TBRG1: variants seen among roughly 807,000 people sequenced by gnomAD.
TBRG1 encodes transforming growth factor beta regulator 1, also known as nuclear interactor of ARF and MDM2.
A neutral mutation model predicts 44.0 loss-of-function variants in TBRG1; 31 were observed. That is an observed-to-expected ratio of 0.70 (90% CI 0.53 to 0.95). The LOEUF (loss-of-function observed/expected upper bound fraction) is 0.95, where lower values mean the gene tolerates loss of function less well. Among genes scored for constraint, TBRG1 ranks in the 40% least tolerant of loss-of-function variants. The pLI, the probability that TBRG1 is intolerant of heterozygous loss-of-function variation, is 0.00. For missense variants in TBRG1, 487 were observed against 496.1 expected, an observed-to-expected ratio of 0.98 and a Z score of 0.18; for synonymous variants, 171 against 188.1, an observed-to-expected ratio of 0.91 and a Z score of 0.74.
intron 5 of TBRG1, among the ~76,000 whole-genome samples, chr11:124,627,765 C>T (rs1200017347): frequency 6.6e-6 from 1 of 151,892 alleles, no homozygotes; most frequent in Non-Finnish European, 1.5e-5. Flanking sequence ...TAGTTGAGAG[C>T]TTACGTGACC....
intron 2 of TBRG1, 102 bp from the exon 3 acceptor site, chr11:124,625,569 A>G: frequency 9.7e-7 from 1 of 1,026,060 alleles, no homozygotes. Flanking sequence ...TGAGTATAGT[A>G]ATCTTTGTAT....
In TBRG1 at chr11:124,626,627, T is replaced by G. The variant is rs1164585551; in HGVS notation, c.591+18T>G. On this transcript the variant is annotated intron_variant, in intron 4 of 8. Coordinates refer to ENST00000441174, the MANE Select transcript of TBRG1 (RefSeq NM_032811.3). ...TGGGGGAGGTGAGTGAGACCAGCGATATATAGAGAGGAGAATCAGGGAAAT... is the reference window on the plus strand; with the variant it reads ...TGGGGGAGGTGAGTGAGACCAGCGAGATATAGAGAGGAGAATCAGGGAAAT... The G allele has an allele frequency of 6.4e-7, 1 of 1,551,126 alleles. No homozygotes were observed. The highest frequency in any genetic ancestry group is 8.7e-7 in the Non-Finnish European group (1 of 1,146,718).
Position 124,624,995 on chromosome 11 carries a change from A to C in TBRG1, c.215A>C (p.Glu72Ala). ...GAAAAATTTCTTAAAGCAAAAGAAG[A>C]AAGAAGGTGAGCTGGCTTCATTTTG... ...LEEKFLKAKE[E>A]RRYLLKKLLQ... The change falls in exon 2 of 9, where the codon GAA becomes GCA. Residue 72 changes from glutamate to alanine, a missense_variant. Physicochemically the swap from Glu to Ala is moderately radical, Grantham distance 107 (BLOSUM62 -1). Coordinates refer to ENST00000441174, the MANE Select transcript of TBRG1 (RefSeq NM_032811.3). 2 of 1,546,608 alleles carry C rather than the reference A, an allele frequency of 1.3e-6. No individual in the cohort carries two copies. Among genetic ancestry groups the C allele is most frequent in the Non-Finnish European group, 1.7e-6 (2 of 1,143,210 alleles).
At chr11:124,628,112 T>TACAC (rs1942523075) in intron 5 of TBRG1, among the ~76,000 whole-genome samples, 1 of 51,326 alleles carries the variant, frequency 1.9e-5, no homozygotes, top group Admixed American at 1.8e-4. Context: ...TATATATATA[T>TACAC]ATATACACAC....
At chr11:124,630,519 A>G (rs1179948598) in intron 6 of TBRG1, 34 bp downstream of exon 6, 11 of 1,465,878 alleles carry the variant, frequency 7.5e-6, no homozygotes, top group Non-Finnish European at 1.1e-5. Context: ...ACAGGCTAAA[A>G]GATCACTGTT....
intron 6 of TBRG1, 65 bp downstream of exon 6, chr11:124,630,550 C>T: frequency 7.7e-7 from 1 of 1,306,902 alleles, no homozygotes. Flanking sequence ...AACCTTTTCT[C>T]TTGCTTTTAA....
At position 124,632,265 on chromosome 11, in the gene TBRG1, T is replaced by C; in HGVS notation, c.*27T>C. 6.2e-7 allele frequency: 1 copy of C among 1,602,246 alleles called. No homozygotes were observed. Among genetic ancestry groups the C allele is most frequent in the Non-Finnish European group, 8.5e-7 (1 of 1,174,306 alleles). On this transcript the variant is annotated 3_prime_UTR_variant, in exon 9 of 9. Coordinates refer to ENST00000441174, the MANE Select transcript of TBRG1 (RefSeq NM_032811.3). The stretch of plus-strand genomic sequence containing the variant: ...CAAGAAGGGATCAGATGCCACATCG[T>C]TTTTGTCGTGATTAATTTAACTTAA...
rs776305450 is a variant in TBRG1 at position 124,625,877 on chromosome 11, A to T, written c.428A>T (p.Lys143Ile). 1.9e-6 allele frequency: 3 copies of T among 1,578,954 alleles called. No homozygotes were observed. The South Asian group carries it at 3.5e-5, about 19-fold the overall frequency. ...AAAACTAAGAAGGAGAAAAAAGAAA[A>T]AGGCAAAGAGAACAACAAACTGGAA... ...GKKTKKEKKE[K>I]GKENNKLEVL... The change falls in exon 3 of 9, where the codon AAA becomes ATA. Residue 143 changes from lysine to isoleucine, a missense_variant. Transcript: ENST00000441174.
chr11:124,632,178 TACTC>T lies in TBRG1; in HGVS notation c.1179_1182del (p.His394CysfsTer4). On this transcript the variant is annotated frameshift_variant, in exon 9 of 9. Transcript: ENST00000441174. LOFTEE classifies it high-confidence loss of function. The stretch of plus-strand genomic sequence containing the variant: ...ACCTGACACATGAACCCTTGGTAGA[TACTC>T]ACCTGCAGCACTTGAAGTCTCCATC... 1 of 1,613,768 alleles carries T rather than the reference TACTC, an allele frequency of 6.2e-7. No homozygotes were observed. Among genetic ancestry groups the T allele is most frequent in the Non-Finnish European group, 8.5e-7 (1 of 1,179,704 alleles).
intron 8 of TBRG1, 125 bp from the exon 9 acceptor site, chr11:124,631,968 G>T: frequency 1.3e-6 from 1 of 798,706 alleles, no homozygotes; most frequent in Non-Finnish European, 2.1e-6. Flanking sequence ...CTTAACAAAG[G>T]CAAAATTGAG....
In TBRG1 at chr11:124,623,110, C is replaced by T. The variant is rs1281668516; in HGVS notation, c.27C>T (p.Ser9=). 11 of 1,550,848 alleles carry T rather than the reference C, an allele frequency of 7.1e-6. No individual in the cohort carries two copies. Among genetic ancestry groups the T allele is most frequent in the Non-Finnish European group, 8.7e-6 (10 of 1,146,882 alleles). ...TGAGCCTGCTGGACGGCCTCGCTTCCTCGCCGCGGGCTCCGCTGCAGTCCA... is the reference window on the plus strand; with the variant it reads ...TGAGCCTGCTGGACGGCCTCGCTTCTTCGCCGCGGGCTCCGCTGCAGTCCA... MSLLDGLA[S]SPRAPLQSSK... is the part of the protein sequence containing the mutation. The change falls in exon 1 of 9, where the codon TCC becomes TCT. Residue 9 remains serine, a synonymous_variant. Transcript: ENST00000441174.
rs375265828 is a variant in TBRG1, at chr11:124,625,751, G to A, written c.302G>A (p.Ser101Asn). 4.5e-6 allele frequency: 7 copies of A among 1,564,998 alleles called. No individual in the cohort carries two copies. The African/African-American group carries it at 6.8e-5, about 15-fold the overall frequency. ...VQAAAPSHSS[S>N]LPLTYGVASS... ...GCTGCAGCTCCTTCCCACAGTTCCA[G>A]TTTGCCCCTGACTTATGGTGTGGCC... The change falls in exon 3 of 9, where the codon AGT (serine) becomes AAT (asparagine). Residue 101 changes from serine (S) to asparagine (N), a missense_variant. By Grantham distance (46) the Ser-to-Asn change is conservative (BLOSUM62 1). Coordinates refer to ENST00000441174, the MANE Select transcript of TBRG1 (RefSeq NM_032811.3).
intron 5 of TBRG1, chr11:124,629,814 AT>A (rs1339551809): frequency 6.5e-6 from 1 of 152,718 alleles, no homozygotes; most frequent in Non-Finnish European, 1.5e-5. Flanking sequence ...TGGCAAAAAA[AT>A]CATTGCGCTT....
chr11:124,633,645 T>G lies in TBRG1; in HGVS notation c.*1407T>G, dbSNP rs970065965. ...GCTAAGTTAACTGGTATTTTATGAT[T>G]TTGAGTATAGTCTTTTTATAAGTTG... On this transcript the variant is annotated 3_prime_UTR_variant, in exon 9 of 9. Coordinates refer to ENST00000441174, the MANE Select transcript of TBRG1 (RefSeq NM_032811.3). 1 of 152,208 alleles carries G rather than the reference T, an allele frequency of 6.6e-6. No individual in the cohort carries two copies. Among genetic ancestry groups the G allele is most frequent in the Non-Finnish European group, 1.5e-5 (1 of 68,044 alleles). 9.4% of individuals were successfully genotyped at this position (152,208 alleles called of 1,614,324 possible). A position where few individuals can be genotyped will look rare whatever the true frequency, so the allele number is the denominator to read the frequency against.
In TBRG1 at chr11:124,633,850, T is replaced by G. The variant is rs889929886; in HGVS notation, c.*1612T>G. On this transcript the variant is annotated 3_prime_UTR_variant, in exon 9 of 9. Transcript: ENST00000441174. ...TCATATAACAAATATTTTCCCACTATTACAGCCTGAGTAATACCCGTATTA... is the reference window on the plus strand; with the variant it reads ...TCATATAACAAATATTTTCCCACTAGTACAGCCTGAGTAATACCCGTATTA... The G allele has an allele frequency of 6.6e-6, 1 of 152,138 alleles. No individual in the cohort carries two copies. The highest frequency in any genetic ancestry group is 6.5e-5 in the Admixed American group (1 of 15,278). 9.4% of individuals were successfully genotyped at this position (152,138 alleles called of 1,614,324 possible). A position where few individuals can be genotyped will look rare whatever the true frequency, so the allele number is the denominator to read the frequency against.
intron 3 of TBRG1, 40 bp from the exon 4 acceptor site, chr11:124,626,433 G>A: frequency 2.0e-6 from 3 of 1,479,644 alleles, no homozygotes; most frequent in South Asian, 2.8e-5. Flanking sequence ...TTCAACATTG[G>A]AAGGGGCCTA....
chr11:124,626,092 G>A (rs1281530049), intron 3 of TBRG1, among the ~76,000 whole-genome samples, 189 bp downstream of exon 3: 1 of 152,156 alleles, frequency 6.6e-6, no homozygotes, highest in Non-Finnish European at 1.5e-5. Context: ...GGAGAAATTC[G>A]AGCTAGACTT....
chr11:124,623,335 G>A, intron 1 of TBRG1, 102 bp downstream of exon 1: 1 of 1,343,298 alleles, frequency 7.4e-7, no homozygotes, highest in Non-Finnish European at 1.0e-6. Context: ...TTAATACAGT[G>A]TTGGCTTTTC....
chr11:124,628,053 C>T (rs1028436912), intron 5 of TBRG1, among the ~76,000 whole-genome samples: 1 of 122,108 alleles, frequency 8.2e-6, no homozygotes, highest in African/African-American at 2.9e-5. Flanking sequence ...CAACTAACGT[C>T]AAGTAGCTGT....
Sources: gnomAD v4.1 joint callset for allele counts (sites outside exome capture counted in the v4.1 genomes callset) on GRCh38, gnomAD v4.1.1 for gene constraint, MANE v1.5 for transcripts, NCBI Gene and HGNC (gene_info 2026-07-23, HGNC 2026-07-21) for gene names.